Variants in DBT observed in about 807,000 individuals in gnomAD.
DBT encodes the protein dihydrolipoamide branched chain transacylase E2.
A neutral mutation model predicts 51.3 loss-of-function variants in DBT; 40 were observed. The ratio of observed to expected loss-of-function variants is 0.78; its 90% CI spans 0.61 to 1.02. DBT has a LOEUF of 1.02. Ranked by LOEUF, DBT falls within the 50% of genes least tolerant of loss-of-function variation. The probability of loss-of-function intolerance (pLI) is 0.00; values close to 1 mark genes in which losing one functional copy is unlikely to be tolerated. For synonymous variants in DBT, 181 were observed against 190.4 expected (o/e 0.95, Z 0.41); for missense variants, 510 against 580.2 (o/e 0.88, Z 1.24).
In DBT at chr1:100,194,172, T is replaced by A. The variant is rs1195631070; in HGVS notation, c.*2083A>T. 6.6e-6 allele frequency: 1 copy of A among 152,122 alleles called. No homozygotes were observed. The highest frequency in any genetic ancestry group is 2.4e-5 in the African/African-American group (1 of 41,426). The allele number at this position is 152,122 out of a possible 1,614,324, so 9.4% of individuals were successfully genotyped here. On this transcript the variant is annotated 3_prime_UTR_variant, in exon 11 of 11. Coordinates refer to ENST00000370132, the MANE Select transcript of DBT (RefSeq NM_001918.5). ...TTTATTTGACCTGTTTTTTTTATTT[T>A]ATTTTATTTTTTAGAGACCAGGTCT...
chr1:100,206,209 TCAGTTATCTAATA>T lies in DBT; in HGVS notation c.1281+8_1281+20del, dbSNP rs756393621. The T allele has an allele frequency of 1.9e-6, 3 of 1,572,620 alleles. No individual in the cohort carries two copies. In the African/African-American group the frequency reaches 4.1e-5, roughly 21 times the overall value. ...CCTGAATTTGCTTAAACTCCATTTT[TCAGTTATCTAATA>T]CATGTACCTTAATTGATCCAAGGGC... On this transcript the variant is annotated splice_region_variant and intron_variant, in intron 10 of 10. Transcript: ENST00000370132.
rs930457587 is a variant in DBT, at chr1:100,192,783, G to A, written c.*3472C>T. The A allele has an allele frequency of 7.2e-5, 11 of 152,150 alleles. No homozygotes were observed. Among genetic ancestry groups the A allele is most frequent in the African/African-American group, 2.4e-4 (10 of 41,434 alleles). The allele number at this position is 152,150 out of a possible 1,614,324, so 9.4% of individuals were successfully genotyped here. On this transcript the variant is annotated 3_prime_UTR_variant, in exon 11 of 11. Transcript: ENST00000370132. ...CTTCCTTTTCAAATATCAGAGGAAT[G>A]CTCAAAATAATGAAAAGAGCCTTGA...
At chr1:100,218,830 G>A (rs1662647140) in intron 4 of DBT, 83 bp from the exon 5 acceptor site, 4 of 1,040,742 alleles carry the variant, frequency 3.8e-6, no homozygotes, top group South Asian at 1.4e-5. Flanking sequence ...ACTAAGATGT[G>A]GCCTATAATA....
At chr1:100,240,000 GTTCT>G (rs1164471914) in intron 2 of DBT, among the ~76,000 whole-genome samples, 1 of 151,974 alleles carries the variant, frequency 6.6e-6, no homozygotes, top group Non-Finnish European at 1.5e-5. Context: ...AAAGTCTAGG[GTTCT>G]TTATCAGGGT....
At chr1:100,223,185 T>A (rs1410984172) in intron 4 of DBT, among the ~76,000 whole-genome samples, 2 of 152,298 alleles carry the variant, frequency 1.3e-5, no homozygotes, top group East Asian at 3.9e-4. Context: ...ATGAAATTTT[T>A]AAAACAAAAT....
chr1:100,232,033 A>T (rs1663580555), intron 3 of DBT, among the ~76,000 whole-genome samples: 1 of 152,212 alleles, frequency 6.6e-6, no homozygotes, highest in South Asian at 2.1e-4. Context: ...GATGGTGTAA[A>T]AGCAACAACT....
chr1:100,223,034 C>T (rs1002111696), intron 4 of DBT, among the ~76,000 whole-genome samples: 4 of 152,126 alleles, frequency 2.6e-5, no homozygotes, highest in African/African-American at 9.7e-5. Flanking sequence ...TGACCTGGCA[C>T]AAGGACAATC....
intron 2 of DBT, among the ~76,000 whole-genome samples, chr1:100,237,119 C>G (rs1056801073): frequency 7.9e-5 from 12 of 152,278 alleles, no homozygotes; most frequent in African/African-American, 2.9e-4. Flanking sequence ...GTTCATGAAG[C>G]TAGGCCTCAA....
At chr1:100,241,945 C>T (rs984576043) in intron 1 of DBT, among the ~76,000 whole-genome samples, 8 of 151,634 alleles carry the variant, frequency 5.3e-5, no homozygotes, top group South Asian at 2.1e-4. Flanking sequence ...CGCTTGAATG[C>T]GGGAGGCAGA....
At chr1:100,247,126 T>G (rs2100857234) in intron 1 of DBT, among the ~76,000 whole-genome samples, 1 of 152,344 alleles carries the variant, frequency 6.6e-6, no homozygotes, top group South Asian at 2.1e-4. Context: ...TGGTAAGGAA[T>G]GAGATCTAAG....
intron 2 of DBT, among the ~76,000 whole-genome samples, chr1:100,236,164 A>G (rs1050041847): frequency 1.3e-5 from 2 of 151,772 alleles, no homozygotes; most frequent in Non-Finnish European, 2.9e-5. Context: ...ACAGGTGCAT[A>G]AATGCATACT....
At chr1:100,225,256 C>A (rs994741295) in intron 4 of DBT, among the ~76,000 whole-genome samples, 2 of 151,680 alleles carry the variant, frequency 1.3e-5, no homozygotes, top group African/African-American at 4.8e-5. Flanking sequence ...GGCAACCACT[C>A]GTTGGTTTTC....
chr1:100,231,397 A>T (rs533634557), intron 3 of DBT, among the ~76,000 whole-genome samples: 2 of 152,300 alleles, frequency 1.3e-5, no homozygotes, highest in East Asian at 3.9e-4. Context: ...GCCTGTTCTT[A>T]TATAAAGTCC....
Position 100,190,959 on chromosome 1 carries a change from T to G in DBT, c.*5296A>C, listed in dbSNP as rs920769590. ...TTTCAGACTAATCTGGTAATCCAGA[T>G]ATTTCACAGAAAGTGTCATGTAAAT... is the stretch of plus-strand genomic sequence containing the variant. On this transcript the variant is annotated 3_prime_UTR_variant, in exon 11 of 11. Transcript: ENST00000370132. The G allele has an allele frequency of 6.6e-6, 1 of 152,242 alleles. No homozygotes were observed. The highest frequency in any genetic ancestry group is 1.5e-5 in the Non-Finnish European group (1 of 68,038). The allele number at this position is 152,242 out of a possible 1,614,324, so 9.4% of individuals were successfully genotyped here. A position where few individuals can be genotyped will look rare whatever the true frequency, so the allele number is the denominator to read the frequency against.
At chr1:100,199,296 T>C (rs1417932396) in intron 10 of DBT, among the ~76,000 whole-genome samples, 2 of 152,184 alleles carry the variant, frequency 1.3e-5, no homozygotes, top group South Asian at 2.1e-4. Context: ...AAATCTGCGC[T>C]TTTAACTAAC....
chr1:100,237,668 T>G (rs1663961859), intron 2 of DBT, among the ~76,000 whole-genome samples: 1 of 152,150 alleles, frequency 6.6e-6, no homozygotes, highest in Admixed American at 6.5e-5. Flanking sequence ...AGACAGGGTC[T>G]CACTCTGTTG....
At chr1:100,206,131 C>A (rs1661766734) in intron 10 of DBT, 99 bp downstream of exon 10, 21 of 770,162 alleles carry the variant, frequency 2.7e-5, no homozygotes, top group Middle Eastern at 2.6e-4. Context: ...AAACTTAAAA[C>A]CTACAAAAGG....
chr1:100,220,554 G>A (rs375836557), intron 4 of DBT, among the ~76,000 whole-genome samples: 2 of 152,202 alleles, frequency 1.3e-5, no homozygotes, highest in East Asian at 1.9e-4. Context: ...TAAAGGTAAG[G>A]AAGGGAAGAG....
intron 4 of DBT, among the ~76,000 whole-genome samples, chr1:100,227,822 A>T (rs1048651112): frequency 2.0e-5 from 3 of 151,884 alleles, no homozygotes; most frequent in African/African-American, 7.3e-5. Context: ...TTAATTTTTA[A>T]TTTTAATTTT....
Sources: allele counts gnomAD v4.1 joint callset (sites outside exome capture counted in the v4.1 genomes callset), GRCh38; gene constraint gnomAD v4.1.1; transcripts MANE v1.5; gene names NCBI Gene and HGNC (gene_info 2026-07-23, HGNC 2026-07-21).